Variants in KYNU observed in about 807,000 individuals in gnomAD.
The protein encoded by KYNU is kynureninase.
Under a neutral mutation model 59.2 loss-of-function variants are expected in KYNU, and 54 were observed. The observed-to-expected ratio is 0.91, with a 90% CI of 0.73 to 1.14. KYNU has a LOEUF of 1.14. Among genes scored for constraint, KYNU ranks in the 50% most tolerant of loss-of-function variants. KYNU has a pLI of 0.00. For missense variants in KYNU, 567 were observed against 554.4 expected (o/e 1.02, Z -0.23); for synonymous variants, 177 against 192.0 (o/e 0.92, Z 0.65).
rs1258335909 is a variant in KYNU, at chr2:143,046,541, C to T, written c.*4369C>T. The T allele has an allele frequency of 7.0e-6, 1 of 142,134 alleles. No individual in the cohort carries two copies. The highest frequency in any genetic ancestry group is 6.8e-5 in the Admixed American group (1 of 14,628). 8.8% of individuals were successfully genotyped at this position (142,134 alleles called of 1,614,324 possible). A position where few individuals can be genotyped will look rare whatever the true frequency, so the allele number is the denominator to read the frequency against. On this transcript the variant is annotated 3_prime_UTR_variant, in exon 14 of 14. Coordinates refer to ENST00000264170, the MANE Select transcript of KYNU (RefSeq NM_003937.3). ...TAATAATTCCTTCTATTTCATAAGC[C>T]AGGTTTCTATATATCTATATAAATA... is the stretch of plus-strand genomic sequence containing the variant.
At chr2:142,933,868 G>A (rs1558929769) in intron 4 of KYNU, among the ~76,000 whole-genome samples, 1 of 152,162 alleles carries the variant, frequency 6.6e-6, no homozygotes, top group Non-Finnish European at 1.5e-5. Flanking sequence ...GTGAAAGTTT[G>A]GAGTTGGGGT....
chr2:142,967,547 T>C (rs201750312), intron 8 of KYNU: 1 of 152,070 alleles, frequency 6.6e-6, no homozygotes, highest in South Asian at 2.1e-4. Flanking sequence ...TCCAGAATAA[T>C]TTAAGGCAAA....
intron 4 of KYNU, among the ~76,000 whole-genome samples, chr2:142,945,390 G>A (rs1231313248): frequency 5.3e-5 from 8 of 152,112 alleles, no homozygotes; most frequent in African/African-American, 1.9e-4. Flanking sequence ...TTGCACTTTC[G>A]TAAGAGGCAA....
intron 8 of KYNU, among the ~76,000 whole-genome samples, chr2:142,979,160 G>C (rs1684979914): frequency 6.6e-6 from 1 of 152,082 alleles, no homozygotes; most frequent in South Asian, 2.1e-4. Context: ...GATATTTCTT[G>C]TTAATTGAGA....
intron 8 of KYNU, among the ~76,000 whole-genome samples, 170 bp downstream of exon 8, chr2:142,960,940 A>G (rs1163886612): frequency 6.6e-6 from 1 of 151,900 alleles, no homozygotes; most frequent in Non-Finnish European, 1.5e-5. Context: ...TCACGCCTGT[A>G]ATCCCAGCAC....
rs374924162 is a variant in KYNU at position 143,005,188 on chromosome 2, TATG to T, written c.902+19172_902+19174del. ...CTGACACTAGCAAATTCATTAATAC[TATG>T]ATGAGACTGCAGTCACAGATGGAGA... On this transcript the variant is annotated intron_variant, in intron 10 of 13. Transcript: ENST00000264170. 4.8e-4 allele frequency among the ~76,000 whole-genome samples: 73 copies of T among 152,326 alleles called. 1 individual carries two copies. Among genetic ancestry groups the T allele is most frequent in the African/African-American group, 1.7e-3 (70 of 41,574 alleles).
intron 4 of KYNU, among the ~76,000 whole-genome samples, chr2:142,932,918 G>A (rs1334942401): frequency 2.0e-5 from 3 of 152,170 alleles, no homozygotes; most frequent in Non-Finnish European, 2.9e-5. Context: ...AGTGTTTAGG[G>A]TCTTTGGCGG....
At chr2:142,906,069 CCTCT>C (rs1558912999) in intron 2 of KYNU, among the ~76,000 whole-genome samples, 2 of 150,782 alleles carry the variant, frequency 1.3e-5, no homozygotes, top group Non-Finnish European at 3.0e-5. Flanking sequence ...CTCTTTCTCT[CCTCT>C]CTGTCTCTCT....
intron 1 of KYNU, among the ~76,000 whole-genome samples, chr2:142,878,913 T>C (rs1306714894): frequency 6.6e-6 from 1 of 152,228 alleles, no homozygotes; most frequent in African/African-American, 2.4e-5. Flanking sequence ...AATTTAACTT[T>C]AAATAACATT....
At chr2:142,912,703 C>CTTTTTTTTT (rs1163302368) in intron 2 of KYNU, among the ~76,000 whole-genome samples, 13 of 71,874 alleles carry the variant, frequency 1.8e-4, no homozygotes, top group African/African-American at 4.9e-4. Flanking sequence ...TTCTTTCTTC[C>CTTTTTTTTT]TTTTTTTTTT....
intron 8 of KYNU, among the ~76,000 whole-genome samples, chr2:142,962,009 A>G (rs1684371252): frequency 5.3e-5 from 8 of 152,250 alleles, no homozygotes. Context: ...ACGACTTCCA[A>G]CTGCTTTGAC....
At chr2:142,889,008 A>G (rs1681610593) in intron 2 of KYNU, among the ~76,000 whole-genome samples, 1 of 151,698 alleles carries the variant, frequency 6.6e-6, no homozygotes, top group Non-Finnish European at 1.5e-5. Context: ...AACAAAGATG[A>G]CAGCACAGTG....
chr2:142,996,806 C>T (rs921914518), intron 10 of KYNU, among the ~76,000 whole-genome samples: 1 of 152,148 alleles, frequency 6.6e-6, no homozygotes, highest in Non-Finnish European at 1.5e-5. Flanking sequence ...GGTCTCTTCA[C>T]CTCTCATTAA....
chr2:142,995,669 AG>A (rs1376873896), intron 10 of KYNU, among the ~76,000 whole-genome samples: 4 of 152,056 alleles, frequency 2.6e-5, no homozygotes, highest in Admixed American at 6.6e-5. Flanking sequence ...GCTGGCATCA[AG>A]GGGTGAATGT....
At chr2:142,932,835 A>G (rs983410276) in intron 4 of KYNU, among the ~76,000 whole-genome samples, 1 of 152,126 alleles carries the variant, frequency 6.6e-6, no homozygotes, top group Non-Finnish European at 1.5e-5. Flanking sequence ...CCGTCTACAA[A>G]CCAAGTAAAG....
intron 8 of KYNU, among the ~76,000 whole-genome samples, chr2:142,966,391 ACTT>A (rs1271393299): frequency 1.3e-5 from 2 of 152,276 alleles, no homozygotes; most frequent in East Asian, 3.9e-4. Context: ...ATGCACACTA[ACTT>A]CTTTAAAGTC....
At chr2:142,981,363 G>T (rs1021972939) in intron 8 of KYNU, among the ~76,000 whole-genome samples, 3 of 152,180 alleles carry the variant, frequency 2.0e-5, no homozygotes, top group African/African-American at 4.8e-5. Context: ...GCTTTAATTG[G>T]AAATGTTGAA....
intron 10 of KYNU, among the ~76,000 whole-genome samples, chr2:143,006,258 C>A (rs1685886620): frequency 6.6e-6 from 1 of 151,968 alleles, no homozygotes; most frequent in Non-Finnish European, 1.5e-5. Context: ...CGCAAGGGGT[C>A]AGGGAGTTCC....
At chr2:142,884,128 G>A (rs774684832) in intron 1 of KYNU, among the ~76,000 whole-genome samples, 80 of 152,174 alleles carry the variant, frequency 5.3e-4, no homozygotes, top group Non-Finnish European at 5.3e-4. Context: ...CAAAAAGTGG[G>A]AAATGTTGCA....
Sources: gnomAD v4.1 joint callset for allele counts (sites outside exome capture counted in the v4.1 genomes callset) on GRCh38, gnomAD v4.1.1 for gene constraint, MANE v1.5 for transcripts, NCBI Gene and HGNC (gene_info 2026-07-23, HGNC 2026-07-21) for gene names.